Variants in SMIM13 observed in about 807,000 individuals in gnomAD.
SMIM13 encodes the protein UPF0766 protein C6orf228.
Under a neutral mutation model 5.9 loss-of-function variants are expected in SMIM13, and 3 were observed. The ratio of observed to expected loss-of-function variants is 0.51; its 90% CI spans 0.23 to 1.31. SMIM13 has a LOEUF of 1.31. Among genes scored for constraint, SMIM13 ranks in the 40% most tolerant of loss-of-function variants. The probability of loss-of-function intolerance (pLI) is 0.18; values close to 1 mark genes in which losing one functional copy is unlikely to be tolerated. For missense variants in SMIM13, 85 were observed against 109.9 expected, an observed-to-expected ratio of 0.77 and a Z score of 1.01; for synonymous variants, 55 against 46.0, an observed-to-expected ratio of 1.19 and a Z score of -0.79.
intron 1 of SMIM13, among the ~76,000 whole-genome samples, chr6:11,117,165 A>ATTTTTTTTTTTTTTTTTTTTTTTTT (rs34579750): frequency 2.9e-5 from 2 of 69,030 alleles, no homozygotes; most frequent in African/African-American, 1.1e-4. Flanking sequence ...TAATTTTTGT[A>ATTTTTTTTTTTTTTTTTTTTTTTTT]TTTTTTTTTT....
intron 1 of SMIM13, chr6:11,105,473 C>A: frequency 1.7e-6 from 1 of 605,052 alleles, no homozygotes. Context: ...TGGGGCATTA[C>A]TTATCTTTTT....
At chr6:11,108,521 C>T (rs1758121510) in intron 1 of SMIM13, among the ~76,000 whole-genome samples, 2 of 152,108 alleles carry the variant, frequency 1.3e-5, no homozygotes, top group African/African-American at 4.8e-5. Context: ...GTGTCCCCAT[C>T]AGTTTGGGCA....
rs1178327983 is a variant in SMIM13 at position 11,094,198 on chromosome 6, C to T, written c.-116C>T. 3.2e-6 allele frequency: 1 copy of T among 307,902 alleles called. No homozygotes were observed. The highest frequency in any genetic ancestry group is 4.8e-6 in the Non-Finnish European group (1 of 210,284). 19.1% of individuals were successfully genotyped at this position (307,902 alleles called of 1,614,324 possible). On this transcript the variant is annotated 5_prime_UTR_variant, in exon 1 of 2. Transcript: ENST00000416247. ...CCGAGGGGGCGCCAGCCGCCCATGC[C>T]GCCCCGGCGCCCAGCCGCGCCTGGC... is the stretch of plus-strand genomic sequence containing the variant.
At chr6:11,114,546 T>A (rs1758211346) in intron 1 of SMIM13, among the ~76,000 whole-genome samples, 1 of 151,364 alleles carries the variant, frequency 6.6e-6, no homozygotes. Flanking sequence ...ATTGGATTTT[T>A]TTTTTTAATG....
intron 1 of SMIM13, among the ~76,000 whole-genome samples, chr6:11,133,516 C>A (rs1188499815): frequency 6.6e-6 from 1 of 152,102 alleles, no homozygotes. Context: ...CATTTCTATT[C>A]TATGCAACCA....
chr6:11,124,025 T>C (rs1181927681), intron 1 of SMIM13, among the ~76,000 whole-genome samples: 3 of 152,230 alleles, frequency 2.0e-5, no homozygotes, highest in South Asian at 2.1e-4. Flanking sequence ...TTTCTTTTAG[T>C]TATTTTTATA....
chr6:11,104,506 T>G (rs756366726), intron 1 of SMIM13: 18 of 1,559,916 alleles, frequency 1.2e-5, no homozygotes, highest in Non-Finnish European at 1.4e-5. Flanking sequence ...ACTGCTGATA[T>G]GCCCAGGTAG....
In SMIM13 at chr6:11,138,567, G is replaced by T. The variant is rs1265258071; in HGVS notation, c.*3965G>T. On this transcript the variant is annotated 3_prime_UTR_variant, in exon 2 of 2. Coordinates refer to ENST00000416247, the MANE Select transcript of SMIM13 (RefSeq NM_001135575.2). ...ATAATTAGAATTACGTGTTTTAATA[G>T]TACCTTTGTATATATAACAAGATGT... 6.6e-6 allele frequency: 1 copy of T among 152,040 alleles called. No homozygotes were observed. The highest frequency in any genetic ancestry group is 1.9e-4 in the East Asian group (1 of 5,190). The allele number at this position is 152,040 out of a possible 1,614,324, so 9.4% of individuals were successfully genotyped here.
At chr6:11,115,117 G>C (rs2113654973) in intron 1 of SMIM13, among the ~76,000 whole-genome samples, 1 of 152,278 alleles carries the variant, frequency 6.6e-6, no homozygotes, top group African/African-American at 2.4e-5. Context: ...TTGTCATCGT[G>C]TTAATGCAGA....
intron 1 of SMIM13, among the ~76,000 whole-genome samples, chr6:11,100,803 G>A (rs1249323191): frequency 6.6e-6 from 1 of 152,016 alleles, no homozygotes. Context: ...TTCTAGGTCT[G>A]GTATTGAAAA....
At chr6:11,133,656 G>A (rs904726117) in intron 1 of SMIM13, among the ~76,000 whole-genome samples, 36 of 151,786 alleles carry the variant, frequency 2.4e-4, no homozygotes, top group African/African-American at 8.7e-4. Flanking sequence ...GTTTTCTCCT[G>A]TGTGTTCCTT....
At chr6:11,129,865 A>G (rs541243645) in intron 1 of SMIM13, among the ~76,000 whole-genome samples, 1 of 152,156 alleles carries the variant, frequency 6.6e-6, no homozygotes, top group Non-Finnish European at 1.5e-5. Context: ...TTCTTTGCTC[A>G]GTCATACTTT....
intron 1 of SMIM13, chr6:11,104,252 A>G: frequency 6.4e-7 from 1 of 1,551,684 alleles, no homozygotes; most frequent in Non-Finnish European, 8.7e-7. Context: ...GGGGAATGAA[A>G]TGGATTGCCC....
intron 1 of SMIM13, chr6:11,104,451 T>C (rs1218087156): frequency 7.7e-6 from 12 of 1,551,718 alleles, no homozygotes; most frequent in African/African-American, 1.4e-5. Context: ...TGTAGAGATA[T>C]GGAAATGAAA....
chr6:11,095,500 C>G (rs1391153089), intron 1 of SMIM13, among the ~76,000 whole-genome samples: 1 of 152,062 alleles, frequency 6.6e-6, no homozygotes, highest in Non-Finnish European at 1.5e-5. Flanking sequence ...TACAGGTGCC[C>G]GCCACCATGC....
chr6:11,095,950 A>G (rs1757917281), intron 1 of SMIM13, among the ~76,000 whole-genome samples: 1 of 152,194 alleles, frequency 6.6e-6, no homozygotes, highest in African/African-American at 2.4e-5. Context: ...TGAATGTGAC[A>G]CGTAGACCCT....
intron 1 of SMIM13, among the ~76,000 whole-genome samples, chr6:11,110,824 A>C (rs190288536): frequency 6.6e-6 from 1 of 152,356 alleles, no homozygotes; most frequent in Non-Finnish European, 1.5e-5. Flanking sequence ...AAGACCCTGC[A>C]AACGGCAGAG....
At chr6:11,117,819 C>T (rs559698058) in intron 1 of SMIM13, among the ~76,000 whole-genome samples, 32 of 151,592 alleles carry the variant, frequency 2.1e-4, no homozygotes, top group Non-Finnish European at 4.1e-4. Flanking sequence ...GCAAGATCTC[C>T]GCTCACTGCG....
intron 1 of SMIM13, among the ~76,000 whole-genome samples, chr6:11,122,705 T>C (rs995249999): frequency 1.3e-5 from 2 of 152,190 alleles, no homozygotes; most frequent in Non-Finnish European, 2.9e-5. Flanking sequence ...GCCTGTGTTT[T>C]AAAGGAATTG....
Sources: gnomAD v4.1 joint callset for allele counts (sites outside exome capture counted in the v4.1 genomes callset) on GRCh38, gnomAD v4.1.1 for gene constraint, MANE v1.5 for transcripts, NCBI Gene and HGNC (gene_info 2026-07-23, HGNC 2026-07-21) for gene names.